Variants in PTPRD observed in about 807,000 individuals in gnomAD.
PTPRD encodes the protein receptor-type tyrosine-protein phosphatase delta.
PTPRD carries 34 observed loss-of-function variants against 214.5 expected under a neutral mutation model. That is an observed-to-expected ratio of 0.16 (90% CI 0.12 to 0.21). PTPRD has a LOEUF of 0.21. Ranked by LOEUF, PTPRD falls within the 10% of genes least tolerant of loss-of-function variation. PTPRD has a pLI of 1.00. For synonymous variants in PTPRD, 1,128 were observed against 845.7 expected (o/e 1.33, Z -5.79); for missense variants, 2,545 against 2,398.7 (o/e 1.06, Z -1.27).
chr9:10,069,220 G>A (rs1170100154), intron 3 of PTPRD, among the ~76,000 whole-genome samples: 1 of 151,966 alleles, frequency 6.6e-6, no homozygotes, highest in Non-Finnish European at 1.5e-5. Flanking sequence ...GACACAGGCT[G>A]GAGATGGTAA....
chr9:9,516,792 T>C (rs1482860165), intron 8 of PTPRD, among the ~76,000 whole-genome samples: 1 of 152,034 alleles, frequency 6.6e-6, no homozygotes, highest in Non-Finnish European at 1.5e-5. Flanking sequence ...CTCCTCAGCC[T>C]CCCAAAGTGC....
At chr9:9,557,552 A>T (rs767076286) in intron 8 of PTPRD, among the ~76,000 whole-genome samples, 9 of 152,176 alleles carry the variant, frequency 5.9e-5, no homozygotes, top group Non-Finnish European at 8.8e-5. Flanking sequence ...AATCCAACAG[A>T]TATTAATTAA....
At chr9:10,210,562 A>T (rs1186288717) in intron 3 of PTPRD, among the ~76,000 whole-genome samples, 1 of 151,632 alleles carries the variant, frequency 6.6e-6, no homozygotes, top group Non-Finnish European at 1.5e-5. Context: ...CACTAGTTAT[A>T]AGTCCTCAAT....
chr9:9,878,833 A>G (rs2153732343), intron 5 of PTPRD, among the ~76,000 whole-genome samples: 1 of 152,254 alleles, frequency 6.6e-6, no homozygotes, highest in South Asian at 2.1e-4. Flanking sequence ...CACAACTAAA[A>G]AAGATGAAGA....
chr9:10,231,709 T>C (rs1220063941), intron 3 of PTPRD, among the ~76,000 whole-genome samples: 1 of 151,974 alleles, frequency 6.6e-6, no homozygotes, highest in Non-Finnish European at 1.5e-5. Flanking sequence ...TTACATTTAT[T>C]AACTTTGTGA....
intron 11 of PTPRD, among the ~76,000 whole-genome samples, chr9:8,824,222 G>A (rs911108425): frequency 7.9e-5 from 12 of 152,148 alleles, no homozygotes; most frequent in African/African-American, 2.9e-4. Flanking sequence ...GTGGGTCCTA[G>A]CCTCATTTTA....
intron 8 of PTPRD, among the ~76,000 whole-genome samples, chr9:9,434,543 C>G (rs148917941): frequency 3.3e-5 from 5 of 152,106 alleles, no homozygotes; most frequent in Admixed American, 6.5e-5. Context: ...TATATGGAGC[C>G]ACAAATAATC....
At chr9:9,550,711 A>G (rs904353964) in intron 8 of PTPRD, among the ~76,000 whole-genome samples, 1 of 151,792 alleles carries the variant, frequency 6.6e-6, no homozygotes, top group Admixed American at 6.6e-5. Flanking sequence ...GTTGCAAATC[A>G]CTTATCTGGC....
chr9:10,452,969 G>C (rs1266805479), intron 2 of PTPRD, among the ~76,000 whole-genome samples: 3 of 136,568 alleles, frequency 2.2e-5, no homozygotes, highest in African/African-American at 1.1e-4. Context: ...CTTATATTTA[G>C]AGATCCTTAA....
At chr9:8,592,976 G>A (rs2094224207) in intron 14 of PTPRD, among the ~76,000 whole-genome samples, 1 of 152,142 alleles carries the variant, frequency 6.6e-6, no homozygotes, top group African/African-American at 2.4e-5. Context: ...ACATAAATAA[G>A]GGCAGTACAT....
At chr9:9,624,337 C>T (rs1265231331) in intron 7 of PTPRD, among the ~76,000 whole-genome samples, 3 of 151,950 alleles carry the variant, frequency 2.0e-5, no homozygotes, top group African/African-American at 4.8e-5. Context: ...GGCTGGAGTA[C>T]AGTGGCATGA....
intron 27 of PTPRD, among the ~76,000 whole-genome samples, chr9:8,492,387 T>G (rs1302634232): frequency 6.6e-6 from 1 of 152,174 alleles, no homozygotes; most frequent in Non-Finnish European, 1.5e-5. Flanking sequence ...TAATCCTTCC[T>G]CTACCAGAAC....
intron 8 of PTPRD, among the ~76,000 whole-genome samples, chr9:9,463,504 C>A (rs992737869): frequency 6.6e-6 from 1 of 151,942 alleles, no homozygotes; most frequent in Non-Finnish European, 1.5e-5. Context: ...GCAAAGGAGA[C>A]CAAAATATAA....
At chr9:8,389,482 C>A (rs142583309) in intron 36 of PTPRD, 75 bp from the exon 37 acceptor site, 8 of 1,122,856 alleles carry the variant, frequency 7.1e-6, no homozygotes, top group Non-Finnish European at 8.9e-6. Context: ...GACCTAATGG[C>A]AGTGCTATCT....
At chr9:8,567,643 T>C (rs534202380) in intron 14 of PTPRD, among the ~76,000 whole-genome samples, 1 of 152,226 alleles carries the variant, frequency 6.6e-6, no homozygotes, top group Non-Finnish European at 1.5e-5. Flanking sequence ...TAATCTCCTA[T>C]TCTAGACTGT....
chr9:9,559,022 C>T (rs1036285523), intron 8 of PTPRD, among the ~76,000 whole-genome samples: 2 of 152,198 alleles, frequency 1.3e-5, no homozygotes, highest in African/African-American at 4.8e-5. Flanking sequence ...TGGATGTCCG[C>T]ACGTTCCAGT....
intron 11 of PTPRD, among the ~76,000 whole-genome samples, chr9:8,911,620 T>C (rs2098749205): frequency 6.6e-6 from 1 of 152,118 alleles, no homozygotes; most frequent in Non-Finnish European, 1.5e-5. Context: ...TAAAGATTTC[T>C]TACATATGAT....
chr9:9,714,110 A>T (rs999972857), intron 7 of PTPRD, among the ~76,000 whole-genome samples: 2 of 138,216 alleles, frequency 1.4e-5, no homozygotes, highest in African/African-American at 2.6e-5. Flanking sequence ...AAAAAAAAAA[A>T]TTTGAATACA....
At chr9:9,775,045 T>A (rs916731964) in intron 5 of PTPRD, among the ~76,000 whole-genome samples, 6 of 152,146 alleles carry the variant, frequency 3.9e-5, no homozygotes, top group African/African-American at 1.4e-4. Context: ...AGGAAGTAAG[T>A]CCCTCATTAT....
Sources: gnomAD v4.1 joint callset for allele counts (sites outside exome capture counted in the v4.1 genomes callset) on GRCh38, gnomAD v4.1.1 for gene constraint, MANE v1.5 for transcripts, NCBI Gene and HGNC (gene_info 2026-07-23, HGNC 2026-07-21) for gene names.